The following ODAD3 variants were observed in gnomAD, a reference collection of about 807,000 sequenced individuals.
ODAD3 encodes the protein outer dynein arm docking complex subunit 3.
A neutral mutation model predicts 70.9 loss-of-function variants in ODAD3; 57 were observed. That is an observed-to-expected ratio of 0.80 (90% CI 0.65 to 1.00). The LOEUF (loss-of-function observed/expected upper bound fraction) is 1.00. Ranked by LOEUF, ODAD3 falls within the 50% of genes least tolerant of loss-of-function variation. ODAD3 has a pLI of 0.00. For missense variants in ODAD3, 797 were observed against 763.9 expected, an observed-to-expected ratio of 1.04 and a Z score of -0.51; for synonymous variants, 327 against 315.9, an observed-to-expected ratio of 1.04 and a Z score of -0.37.
At chr19:11,425,513 ATAT>A (rs1185038084) in intron 7 of ODAD3, among the ~76,000 whole-genome samples, 1 of 137,108 alleles carries the variant, frequency 7.3e-6, no homozygotes, top group Non-Finnish European at 1.5e-5. Context: ...ATATGTGTGT[ATAT>A]ATGTATATAT....
intron 3 of ODAD3, among the ~76,000 whole-genome samples, chr19:11,429,090 G>A (rs1335713578): frequency 6.6e-6 from 1 of 150,962 alleles, no homozygotes; most frequent in Non-Finnish European, 1.5e-5. Context: ...TGTTGGCCAG[G>A]CTGGTCTCAA....
intron 3 of ODAD3, among the ~76,000 whole-genome samples, chr19:11,427,250 T>TA (rs1341962312): frequency 1.3e-5 from 2 of 151,974 alleles, no homozygotes; most frequent in Admixed American, 6.6e-5. Flanking sequence ...TTGGCGATCT[T>TA]ACACCGGCTC....
At chr19:11,435,272 C>A (rs1003152207), upstream of ODAD3, 1 of 1,218,544 alleles carries the variant, frequency 8.2e-7, no homozygotes, top group Non-Finnish European at 1.1e-6. Flanking sequence ...GGGGCGGTCC[C>A]AACAGTGGGC....
chr19:11,425,552 T>C (rs887143411), intron 7 of ODAD3, among the ~76,000 whole-genome samples: 2 of 131,462 alleles, frequency 1.5e-5, no homozygotes, highest in Non-Finnish European at 3.0e-5. Flanking sequence ...TGTATGTATA[T>C]ATGTATATAT....
At chr19:11,423,136 T>G (rs112589683) in intron 8 of ODAD3, among the ~76,000 whole-genome samples, 39 of 152,352 alleles carry the variant, frequency 2.6e-4, no homozygotes, top group African/African-American at 8.7e-4. Context: ...GAGCATAGCT[T>G]CTTTCCAAAA....
intron 11 of ODAD3, 99 bp from the exon 12 acceptor site, chr19:11,421,311 C>CT: frequency 9.0e-7 from 1 of 1,108,254 alleles, no homozygotes; most frequent in South Asian, 1.5e-5. Context: ...GAGATATGCC[C>CT]TAGTTCCAAC....
rs763036362 is a variant in ODAD3, at chr19:11,423,248, G to T, written c.1117-387C>A. Among the ~76,000 whole-genome samples, 73 of 152,302 alleles carry T rather than the reference G, an allele frequency of 4.8e-4. 1 individual carries two copies. Among genetic ancestry groups the T allele is most frequent in the Non-Finnish European group, 6.8e-4 (46 of 68,022 alleles). On this transcript the variant is annotated intron_variant, in intron 8 of 12. Transcript: ENST00000356392. ...CTCACAAGGCCCACATCTGGAAAGG[G>T]GCTGCGCCTCAGTGCCCCAGATGAC...
intron 1 of ODAD3, among the ~76,000 whole-genome samples, chr19:11,431,947 A>G (rs113207497): frequency 6.7e-6 from 1 of 150,260 alleles, no homozygotes; most frequent in African/African-American, 2.4e-5. Flanking sequence ...TGCCTCAAAA[A>G]AAAAAAAAAA....
chr19:11,431,969 C>T (rs1285967372), intron 1 of ODAD3, among the ~76,000 whole-genome samples: 6 of 147,384 alleles, frequency 4.1e-5, no homozygotes, highest in Admixed American at 2.7e-4. Flanking sequence ...AAAAATTAGC[C>T]GGGCATGATG....
upstream of ODAD3, chr19:11,435,660 C>A: frequency 7.7e-7 from 1 of 1,294,676 alleles, no homozygotes; most frequent in Non-Finnish European, 1.0e-6. Flanking sequence ...ACCGCGGCTG[C>A]TGGACAAGAG....
Position 11,420,619 on chromosome 19 carries a change from T to G in ODAD3, c.*216A>C. 1.7e-6 allele frequency: 1 copy of G among 584,050 alleles called. No individual in the cohort carries two copies. The highest frequency in any genetic ancestry group is 4.6e-4 in the Middle Eastern group (1 of 2,174). The allele number at this position is 584,050 out of a possible 1,614,324, so 36.2% of individuals were successfully genotyped here. A position where few individuals can be genotyped will look rare whatever the true frequency, so the allele number is the denominator to read the frequency against. ...ATACCCAGGGGCATGGTCGGTAACA[T>G]TTATTGCGCAACTCTGAGGCCGGGG... On this transcript the variant is annotated 3_prime_UTR_variant, in exon 13 of 13. Transcript: ENST00000356392.
In ODAD3 at chr19:11,422,808, C is replaced by T. The variant is rs1168378766; in HGVS notation, c.1170G>A (p.Thr390=). 8 of 1,609,080 alleles carry T rather than the reference C, an allele frequency of 5.0e-6. No individual in the cohort carries two copies. The highest frequency in any genetic ancestry group is 5.1e-6 in the Non-Finnish European group (6 of 1,179,920). ...AQGDTFAQLE[T]LKSENEQTLV... is the part of the protein sequence containing the mutation. ...ACGTCTGCTCGTTCTCGCTCTTGAG[C>T]GTCTCCAACTGCGCGAAGGTGTCGC... The change falls in exon 9 of 13, where the codon ACG becomes ACA. Residue 390 remains threonine, a synonymous_variant. Transcript: ENST00000356392. The surrounding 1 kb of genome is among the most constrained non-coding windows in gnomAD (Gnocchi z 4.6).
rs1969302300 is a variant in ODAD3, at chr19:11,425,307, G to GTGTGCATATGTGTATATA, written c.963+836_963+837insTATATACACATATGCACA. Among the ~76,000 whole-genome samples the GTGTGCATATGTGTATATA allele has an allele frequency of 1.3e-4, 14 of 111,062 alleles. 2 individuals carry two copies. The highest frequency in any genetic ancestry group is 7.5e-4 in the African/African-American group (13 of 17,230). 72.9% of individuals were successfully genotyped at this position (111,062 alleles called of 152,430 possible). ...TGTACATATGTGTATATATGTGTATGTGTACATATGTGTATATGTACATAT... is the reference window on the plus strand; with the variant it reads ...TGTACATATGTGTATATATGTGTATGTGTGCATATGTGTATATATGTACATATGTGTATATGTACATAT... On this transcript the variant is annotated intron_variant, in intron 7 of 12. Coordinates refer to ENST00000356392, the MANE Select transcript of ODAD3 (RefSeq NM_145045.5).
chr19:11,424,448 G>A (rs1247742761), intron 7 of ODAD3, among the ~76,000 whole-genome samples: 1 of 150,916 alleles, frequency 6.6e-6, no homozygotes, highest in Non-Finnish European at 1.5e-5. Context: ...ACTGCAGTGA[G>A]CTATAATTAG....
At chr19:11,431,795 T>A (rs62131152) in intron 1 of ODAD3, among the ~76,000 whole-genome samples, 5 of 149,950 alleles carry the variant, frequency 3.3e-5, no homozygotes, top group African/African-American at 1.2e-4. Flanking sequence ...AAAAAAAAAT[T>A]AGCCGTGCAT....
At chr19:11,425,130 T>TATATATGTATATATGTGTATATGTAC (rs1491554341) in intron 7 of ODAD3, among the ~76,000 whole-genome samples, 1 of 128,428 alleles carries the variant, frequency 7.8e-6, no homozygotes, top group East Asian at 2.4e-4. Flanking sequence ...TACATATGTG[T>TATATATGTATATATGTGTATATGTAC]ATATGTGTAT....
intron 1 of ODAD3, among the ~76,000 whole-genome samples, chr19:11,432,353 GTCC>G (rs1480197029): frequency 1.3e-5 from 2 of 152,070 alleles, no homozygotes; most frequent in African/African-American, 2.4e-5. Flanking sequence ...AGCTCAAGCA[GTCC>G]TCCTGCCTCA....
chr19:11,431,778 C>CA (rs34565793), intron 1 of ODAD3, among the ~76,000 whole-genome samples: 19,850 of 126,946 alleles, frequency 0.16, 2,023 homozygotes, highest in African/African-American at 0.3. Flanking sequence ...ACTAAAAATA[C>CA]AAAAAAAAAA....
chr19:11,425,557 ATATATG>A, intron 7 of ODAD3, among the ~76,000 whole-genome samples: 463 of 136,318 alleles, frequency 3.4e-3, no homozygotes, highest in African/African-American at 0.013. Context: ...GTATATATGT[ATATATG>A]TGTGTATGTA....
Sources: gnomAD v4.1 joint callset for allele counts (sites outside exome capture counted in the v4.1 genomes callset) on GRCh38, gnomAD v4.1.1 for gene constraint, Gnocchi (gnomAD v3.1) non-coding constraint, MANE v1.5 for transcripts, NCBI Gene and HGNC (gene_info 2026-07-23, HGNC 2026-07-21) for gene names.